TNKS: variants seen among roughly 807,000 people sequenced by gnomAD.
TNKS encodes tankyrase.
TNKS carries 72 observed loss-of-function variants against 135.8 expected under a neutral mutation model. The ratio of observed to expected loss-of-function variants is 0.53; its 90% CI spans 0.44 to 0.64. The LOEUF is 0.64. Ranked by LOEUF, TNKS falls within the 30% of genes least tolerant of loss-of-function variation. The probability of loss-of-function intolerance (pLI) is 0.00; values close to 1 mark genes in which losing one functional copy is unlikely to be tolerated. For synonymous variants in TNKS, 849 were observed against 649.3 expected (o/e 1.31, Z -4.68); for missense variants, 1,769 against 1,674.0 (o/e 1.06, Z -0.99).
intron 5 of TNKS, among the ~76,000 whole-genome samples, chr8:9,701,651 G>T (rs1258302258): frequency 1.3e-5 from 2 of 152,218 alleles, no homozygotes; most frequent in Admixed American, 6.5e-5. Context: ...GCATCAGGCA[G>T]TACATGGTAA....
At chr8:9,758,183 G>A (rs916837104) in intron 20 of TNKS, among the ~76,000 whole-genome samples, 4 of 152,164 alleles carry the variant, frequency 2.6e-5, no homozygotes, top group Non-Finnish European at 4.4e-5. Flanking sequence ...TAAAGTGCTC[G>A]GAACTGTGCT....
At chr8:9,633,513 C>T (rs576904320) in intron 3 of TNKS, among the ~76,000 whole-genome samples, 2 of 152,278 alleles carry the variant, frequency 1.3e-5, no homozygotes, top group South Asian at 4.1e-4. Context: ...GATAACCAGC[C>T]TCCAAGAAGG....
intron 3 of TNKS, among the ~76,000 whole-genome samples, chr8:9,661,942 T>C (rs1359334774): frequency 6.6e-6 from 1 of 152,132 alleles, no homozygotes; most frequent in Non-Finnish European, 1.5e-5. Flanking sequence ...AACAGACACT[T>C]CTCAAAAGAA....
chr8:9,659,696 A>T (rs1316949136), intron 3 of TNKS, among the ~76,000 whole-genome samples: 1 of 152,214 alleles, frequency 6.6e-6, no homozygotes, highest in Non-Finnish European at 1.5e-5. Context: ...AACAGCAAAC[A>T]CATTCAAAAG....
Position 9,770,239 on chromosome 8 carries a change from T to C in TNKS, c.3874T>C (p.Tyr1292His). 2 of 1,613,290 alleles carry C rather than the reference T, an allele frequency of 1.2e-6. No individual in the cohort carries two copies. The highest frequency in any genetic ancestry group is 1.1e-5 in the South Asian group (1 of 91,056). ...PSVNGLAYAE[Y>H]VIYRGEQAYP... ...CGTCAATGGGCTGGCATATGCTGAA[T>C]ATGTCATCTACAGAGGAGAACAGGT... The change falls in exon 26 of 27, where the codon TAT becomes CAT. Residue 1292 changes from tyrosine to histidine, a missense_variant. Coordinates refer to ENST00000310430, the MANE Select transcript of TNKS (RefSeq NM_003747.3).
chr8:9,762,571 G>T (rs1010974682), intron 21 of TNKS, among the ~76,000 whole-genome samples: 7 of 151,862 alleles, frequency 4.6e-5, no homozygotes, highest in Non-Finnish European at 7.4e-5. Context: ...ACAAATATTT[G>T]TTGAACTCTG....
chr8:9,765,667 GTTTC>G (rs1305163447), intron 23 of TNKS, 21 bp from the exon 24 acceptor site: 2 of 1,583,816 alleles, frequency 1.3e-6, no homozygotes, highest in Non-Finnish European at 1.7e-6. Context: ...CACCGATAAT[GTTTC>G]TTTCTTCTTC....
chr8:9,776,607 G>A (rs1386385839), intron 26 of TNKS, 43 bp from the exon 27 acceptor site: 1 of 1,571,846 alleles, frequency 6.4e-7, no homozygotes, highest in South Asian at 1.1e-5. Flanking sequence ...TTAATATTGT[G>A]CCTACTAGAA....
intron 3 of TNKS, among the ~76,000 whole-genome samples, chr8:9,664,785 A>AT (rs1255538591): frequency 1.3e-5 from 2 of 152,228 alleles, no homozygotes; most frequent in African/African-American, 4.8e-5. Context: ...ACAACTGTTA[A>AT]TAAAAGTCAC....
At chr8:9,701,792 G>C (rs1803817576) in intron 5 of TNKS, among the ~76,000 whole-genome samples, 1 of 152,166 alleles carries the variant, frequency 6.6e-6, no homozygotes, top group Admixed American at 6.5e-5. Context: ...TGGGAGTTTG[G>C]GGAGACTAAG....
At chr8:9,604,768 A>T (rs1275910498) in intron 2 of TNKS, among the ~76,000 whole-genome samples, 1 of 151,546 alleles carries the variant, frequency 6.6e-6, no homozygotes, top group African/African-American at 2.4e-5. Flanking sequence ...GTGTATGTAT[A>T]TATATATTTT....
intron 5 of TNKS, among the ~76,000 whole-genome samples, chr8:9,682,346 C>G (rs545762044): frequency 6.6e-6 from 1 of 152,222 alleles, no homozygotes; most frequent in East Asian, 1.9e-4. Flanking sequence ...TACCCTTCTA[C>G]TTTGACAGCC....
At position 9,779,028 on chromosome 8, in the gene TNKS, T is replaced by C. The variant is rs1175366033; in HGVS notation, c.*2292T>C. ...TGCCAGTGTTATACGTCTCATGCTCTGTGTGCCAGGTGAAGGTACTGTGTA... is the reference window on the plus strand; with the variant it reads ...TGCCAGTGTTATACGTCTCATGCTCCGTGTGCCAGGTGAAGGTACTGTGTA... On this transcript the variant is annotated 3_prime_UTR_variant, in exon 27 of 27. Coordinates refer to ENST00000310430, the MANE Select transcript of TNKS (RefSeq NM_003747.3). 3 of 152,370 alleles carry C rather than the reference T, an allele frequency of 2.0e-5. No homozygotes were observed. The highest frequency in any genetic ancestry group is 2.9e-5 in the Non-Finnish European group (2 of 68,042). 9.4% of individuals were successfully genotyped at this position (152,370 alleles called of 1,614,324 possible).
At chr8:9,723,889 TC>T (rs1271948891) in intron 12 of TNKS, among the ~76,000 whole-genome samples, 3 of 151,574 alleles carry the variant, frequency 2.0e-5, no homozygotes, top group Non-Finnish European at 4.4e-5. Context: ...AGCATTACTT[TC>T]ATCTACACAG....
chr8:9,700,036 C>A (rs1447244192), intron 5 of TNKS, among the ~76,000 whole-genome samples: 2 of 152,268 alleles, frequency 1.3e-5, no homozygotes, highest in South Asian at 4.1e-4. Context: ...TATCCAAAGT[C>A]TCAGCTCAGA....
chr8:9,750,039 C>T (rs895068453), intron 18 of TNKS, among the ~76,000 whole-genome samples: 2 of 152,200 alleles, frequency 1.3e-5, no homozygotes, highest in African/African-American at 4.8e-5. Context: ...CTTTTCAAGA[C>T]AGGTCCCTCT....
intron 3 of TNKS, among the ~76,000 whole-genome samples, chr8:9,617,500 T>C (rs1799690454): frequency 6.6e-6 from 1 of 152,244 alleles, no homozygotes; most frequent in African/African-American, 2.4e-5. Context: ...TCTAGTAATA[T>C]GGTTAATTTT....
intron 2 of TNKS, among the ~76,000 whole-genome samples, chr8:9,602,030 G>C (rs1799036416): frequency 6.6e-6 from 1 of 152,042 alleles, no homozygotes; most frequent in Admixed American, 6.5e-5. Flanking sequence ...TTACCCCTTA[G>C]AGGGCATATT....
rs138381125 is a variant in TNKS at position 9,723,854 on chromosome 8, C to G, written c.1922-2787C>G. Among the ~76,000 whole-genome samples, 390 of 152,200 alleles carry G rather than the reference C, an allele frequency of 2.6e-3. 1 individual carries two copies. Among genetic ancestry groups the G allele is most frequent in the African/African-American group, 8.7e-3 (360 of 41,524 alleles). ...AGTTCGATCTTGACCTGAATTCTTG[C>G]GATTGTATAACCCAGTGTGGGATAA... On this transcript the variant is annotated intron_variant, in intron 12 of 26. Transcript: ENST00000310430.
Sources: gnomAD v4.1 joint callset for allele counts (sites outside exome capture counted in the v4.1 genomes callset) on GRCh38, gnomAD v4.1.1 for gene constraint, MANE v1.5 for transcripts, NCBI Gene and HGNC (gene_info 2026-07-23, HGNC 2026-07-21) for gene names.